The following NOS1 variants were observed in gnomAD, a reference collection of about 807,000 sequenced individuals.
NOS1 encodes NOS type I.
NOS1 carries 51 observed loss-of-function variants against 164.5 expected under a neutral mutation model. That is an observed-to-expected ratio of 0.31 (90% CI 0.25 to 0.39). The LOEUF (loss-of-function observed/expected upper bound fraction) is 0.39, where lower values mean the gene tolerates loss of function less well. Among genes scored for constraint, NOS1 ranks in the 10% least tolerant of loss-of-function variants. The pLI is 1.00. For synonymous variants in NOS1, 719 were observed against 745.8 expected, an observed-to-expected ratio of 0.96 and a Z score of 0.59; for missense variants, 1,362 against 1,885.6, an observed-to-expected ratio of 0.72 and a Z score of 5.14.
intron 1 of NOS1, among the ~76,000 whole-genome samples, chr12:117,343,881 C>T (rs764642299): frequency 2.0e-5 from 3 of 152,240 alleles, no homozygotes; most frequent in East Asian, 1.9e-4. Flanking sequence ...TCCCTTCACT[C>T]GAAAGTTGCC....
rs759320740 is a variant in NOS1, at chr12:117,272,317, A to G, written c.1839+68T>C. ...CAAGCCACCAAGCTCGCCGTGGGGA[A>G]GGGGACTGCTGAGCTGGCACCCTCT... On this transcript the variant is annotated intron_variant, in intron 10 of 28. Transcript: ENST00000317775. This position sits in a 1 kb window ranked among gnomAD's most constrained non-coding sequence, Gnocchi z 4.3. 3.3e-5 allele frequency: 52 copies of G among 1,556,302 alleles called. No individual in the cohort carries two copies. Among genetic ancestry groups the G allele is most frequent in the Non-Finnish European group, 4.4e-5 (50 of 1,132,018 alleles).
At chr12:117,298,615 A>G (rs1873588710) in intron 3 of NOS1, among the ~76,000 whole-genome samples, 1 of 152,176 alleles carries the variant, frequency 6.6e-6, no homozygotes, top group Non-Finnish European at 1.5e-5. Flanking sequence ...ATGGGTCCTG[A>G]TCCAGTAGGG....
At chr12:117,221,613 A>T in intron 26 of NOS1, among the ~76,000 whole-genome samples, 1 of 149,966 alleles carries the variant, frequency 6.7e-6, no homozygotes, top group Middle Eastern at 3.4e-3. Flanking sequence ...TTCTGTTTTT[A>T]AATATTTTTA....
intron 16 of NOS1, among the ~76,000 whole-genome samples, chr12:117,257,970 A>G (rs766613712): frequency 2.6e-5 from 4 of 151,446 alleles, no homozygotes; most frequent in African/African-American, 4.9e-5. Context: ...ACGCCCGCCT[A>G]ATTTTTGTAT....
At chr12:117,301,964 A>G (rs1873841008) in intron 3 of NOS1, 6 of 456,564 alleles carry the variant, frequency 1.3e-5, no homozygotes, top group Admixed American at 7.0e-5. Context: ...GGCCCTGTAG[A>G]GTGGGCTCAG....
intron 9 of NOS1, among the ~76,000 whole-genome samples, chr12:117,274,769 CAA>C (rs71099039): frequency 1.3e-5 from 1 of 77,000 alleles, no homozygotes; most frequent in Admixed American, 1.9e-4. Context: ...CTCCGTCTCA[CAA>C]AAAAAAAAAA....
At chr12:117,298,460 AC>A (rs1039421821) in intron 3 of NOS1, among the ~76,000 whole-genome samples, 114 of 152,058 alleles carry the variant, frequency 7.5e-4, no homozygotes, top group African/African-American at 2.7e-3. Flanking sequence ...GGGTTTGGGG[AC>A]CCCTGTATTA....
chr12:117,235,797 C>A (rs1226904339), intron 20 of NOS1, among the ~76,000 whole-genome samples: 1 of 152,158 alleles, frequency 6.6e-6, no homozygotes, highest in Non-Finnish European at 1.5e-5. Context: ...AATCCCAGCA[C>A]TTTGGGAGGT....
intron 13 of NOS1, among the ~76,000 whole-genome samples, chr12:117,262,504 A>AGC (rs967276661): frequency 6.9e-6 from 1 of 143,996 alleles, no homozygotes; most frequent in Admixed American, 6.9e-5. Context: ...AGAGAGAGAG[A>AGC]GAAGAGAGAG....
intron 2 of NOS1, among the ~76,000 whole-genome samples, chr12:117,316,617 C>T (rs747712769): frequency 1.4e-4 from 21 of 152,258 alleles, no homozygotes; most frequent in East Asian, 9.7e-4. Context: ...ACTAAGAAAA[C>T]GGATGCCCAG....
intron 3 of NOS1, among the ~76,000 whole-genome samples, chr12:117,304,313 T>G (rs766334687): frequency 4.6e-5 from 7 of 152,146 alleles, no homozygotes; most frequent in Non-Finnish European, 7.4e-5. Context: ...TATAATGCCT[T>G]TTTCCATTTT....
In NOS1 at chr12:117,259,062, G is replaced by A. The variant is rs759652468; in HGVS notation, c.2436C>T (p.Ser812=). Residue 812 remains serine (S), a synonymous_variant, in exon 15 of 29, where the codon AGC becomes AGT. Coordinates refer to ENST00000317775, the MANE Select transcript of NOS1 (RefSeq NM_000620.5). ...EHETLVLVVT[S]TFGNGDPPEN... ...CAGGGGGATCTCCATTGCCAAAGGTGCTGGTGACCACAAGGACCAGAGTTT... is the reference window on the plus strand; with the variant it reads ...CAGGGGGATCTCCATTGCCAAAGGTACTGGTGACCACAAGGACCAGAGTTT... The A allele has an allele frequency of 1.2e-6, 2 of 1,614,106 alleles. No homozygotes were observed. The highest frequency in any genetic ancestry group is 2.2e-5 in the South Asian group (2 of 91,064).
intron 3 of NOS1, among the ~76,000 whole-genome samples, chr12:117,294,571 G>A (rs181612763): frequency 1.2e-4 from 19 of 152,318 alleles, no homozygotes; most frequent in African/African-American, 4.6e-4. Context: ...AATATTAGAT[G>A]ACTCAGGAGG....
At position 117,209,110 on chromosome 12, in the gene NOS1, A is replaced by C. The variant is rs1326405155; in HGVS notation, c.*6199T>G. ...CCCACTTTGGCAGCAGATAATGGAA[A>C]CAACCACTGGGCTAGGCAAAGTTTC... On this transcript the variant is annotated 3_prime_UTR_variant, in exon 29 of 29. Transcript: ENST00000317775. 3 of 985,258 alleles carry C rather than the reference A, an allele frequency of 3.0e-6. No homozygotes were observed. Among genetic ancestry groups the C allele is most frequent in the Admixed American group, 6.2e-5 (1 of 16,224 alleles). The allele number at this position is 985,258 out of a possible 1,614,324, so 61.0% of individuals were successfully genotyped here.
intron 17 of NOS1, among the ~76,000 whole-genome samples, chr12:117,251,596 A>ATT (rs11347925): frequency 4.4e-5 from 6 of 136,114 alleles, no homozygotes; most frequent in Non-Finnish European, 6.3e-5. Context: ...AATTTTTTTC[A>ATT]TTTTTTTTTT....
intron 3 of NOS1, among the ~76,000 whole-genome samples, chr12:117,306,772 AT>A (rs1363587843): frequency 6.6e-6 from 1 of 152,122 alleles, no homozygotes; most frequent in African/African-American, 2.4e-5. Flanking sequence ...GGTGCCTACC[AT>A]CATGCCCGGC....
rs540107225 is a variant in NOS1 at position 117,258,358 on chromosome 12, C to T, written c.2531+39G>A. The T allele has an allele frequency of 5.4e-5, 87 of 1,608,372 alleles. No individual in the cohort carries two copies. In the South Asian group the frequency reaches 8.6e-4, roughly 16 times the overall value. On this transcript the variant is annotated intron_variant, in intron 16 of 28. Coordinates refer to ENST00000317775, the MANE Select transcript of NOS1 (RefSeq NM_000620.5). ...CCAAAAGTCAATGTCCAGTTACCCTCGGGGGTGGCGGGTGACGTCGGAGGG... is the reference window on the plus strand; with the variant it reads ...CCAAAAGTCAATGTCCAGTTACCCTTGGGGGTGGCGGGTGACGTCGGAGGG...
At chr12:117,229,175 C>A (rs1470859237) in intron 22 of NOS1, among the ~76,000 whole-genome samples, 1 of 152,188 alleles carries the variant, frequency 6.6e-6, no homozygotes, top group Admixed American at 6.5e-5. Flanking sequence ...CAACATGGAC[C>A]AAGAGCCCTG....
chr12:117,267,934 G>T, intron 11 of NOS1, 109 bp downstream of exon 11: 1 of 730,022 alleles, frequency 1.4e-6, no homozygotes, highest in Non-Finnish European at 2.4e-6. Context: ...CACAATCCCC[G>T]CAAAGGTGGT....
Sources: gnomAD v4.1 joint callset for allele counts (sites outside exome capture counted in the v4.1 genomes callset) on GRCh38, gnomAD v4.1.1 for gene constraint, Gnocchi (gnomAD v3.1) non-coding constraint, MANE v1.5 for transcripts, NCBI Gene and HGNC (gene_info 2026-07-23, HGNC 2026-07-21) for gene names.